Variants in SCFD2 observed in about 807,000 individuals in gnomAD.
SCFD2 encodes sec1 family domain containing 2, also known as sec1 family domain-containing protein 2.
SCFD2 carries 54 observed loss-of-function variants against 58.9 expected under a neutral mutation model. The observed-to-expected ratio is 0.92, with a 90% CI of 0.74 to 1.15. The LOEUF is 1.15. Ranked by LOEUF, SCFD2 falls within the 50% of genes most tolerant of loss-of-function variation. The probability of loss-of-function intolerance (pLI) is 0.00; values close to 1 mark genes in which losing one functional copy is unlikely to be tolerated. For missense variants in SCFD2, 805 were observed against 836.6 expected (o/e 0.96, Z 0.47); for synonymous variants, 321 against 335.9 (o/e 0.96, Z 0.49).
At chr4:53,328,944 G>A (rs923263509) in intron 2 of SCFD2, among the ~76,000 whole-genome samples, 10 of 152,230 alleles carry the variant, frequency 6.6e-5, no homozygotes, top group African/African-American at 2.4e-4. Flanking sequence ...AAGCGCAAGG[G>A]GTCAGGGAGT....
rs909219444 is a variant in SCFD2, at chr4:53,131,724, C to T, written c.1561+13609G>A. On this transcript the variant is annotated intron_variant, in intron 5 of 8. Transcript: ENST00000401642. ...GTGGGCATACTTAGGAGTGAAAATTCGGCCTCCTCCCCGCTGTGCTCTTTT... is the reference window on the plus strand; with the variant it reads ...GTGGGCATACTTAGGAGTGAAAATTTGGCCTCCTCCCCGCTGTGCTCTTTT... Among the ~76,000 whole-genome samples the T allele has an allele frequency of 5.9e-5, 9 of 152,302 alleles. No homozygotes were observed. In the South Asian group the frequency reaches 6.2e-4, roughly 11 times the overall value.
chr4:53,165,062 CT>C (rs1227731847), intron 4 of SCFD2, among the ~76,000 whole-genome samples: 2 of 152,206 alleles, frequency 1.3e-5, no homozygotes, highest in African/African-American at 4.8e-5. Flanking sequence ...TCTTCCATCC[CT>C]AACTCACTCT....
At chr4:53,066,973 A>G (rs1259233299) in intron 5 of SCFD2, among the ~76,000 whole-genome samples, 1 of 151,996 alleles carries the variant, frequency 6.6e-6, no homozygotes, top group Non-Finnish European at 1.5e-5. Flanking sequence ...AAACCCTAGA[A>G]CCTAGCACAG....
intron 3 of SCFD2, among the ~76,000 whole-genome samples, chr4:53,313,150 C>T (rs11724062): frequency 0.6 from 91,052 of 151,898 alleles, 27,433 homozygotes; most frequent in Middle Eastern, 0.66. Flanking sequence ...GAAGAAATAA[C>T]GCTGATGTGA....
chr4:52,907,589 T>C lies in SCFD2; in HGVS notation c.1710A>G (p.Ala570=). 6.2e-7 allele frequency: 1 copy of C among 1,614,008 alleles called. No individual in the cohort carries two copies. The highest frequency in any genetic ancestry group is 8.5e-7 in the Non-Finnish European group (1 of 1,179,900). ...VYVPGNHTHQ[A]SYKPLLKQVV... is the part of the protein sequence containing the mutation. ...CTTGCTTCAACAATGGCTTATAAGA[T>C]GCCTGGAAAGACAAAATACTATGAG... Residue 570 remains alanine, a splice_region_variant and synonymous_variant, in exon 7 of 9, where the codon GCA becomes GCG. Transcript: ENST00000401642.
At chr4:53,000,182 T>A (rs1392255834) in intron 5 of SCFD2, among the ~76,000 whole-genome samples, 1 of 152,116 alleles carries the variant, frequency 6.6e-6, no homozygotes, top group Non-Finnish European at 1.5e-5. Flanking sequence ...CCCTTTGGTA[T>A]CCAGTCTGAG....
chr4:53,247,773 A>C (rs554225100), intron 4 of SCFD2, among the ~76,000 whole-genome samples: 299 of 139,582 alleles, frequency 2.1e-3, no homozygotes, highest in African/African-American at 7.5e-3. Context: ...AGGCAGGAGA[A>C]TGGCGTGAAC....
At chr4:53,002,465 C>A (rs117050109) in intron 5 of SCFD2, among the ~76,000 whole-genome samples, 1 of 152,262 alleles carries the variant, frequency 6.6e-6, no homozygotes, top group East Asian at 1.9e-4. Flanking sequence ...CTTAATATCA[C>A]TGGGGAAGGG....
intron 4 of SCFD2, among the ~76,000 whole-genome samples, chr4:53,214,277 G>A (rs1256394175): frequency 6.6e-6 from 1 of 152,102 alleles, no homozygotes; most frequent in Non-Finnish European, 1.5e-5. Flanking sequence ...CACCAACAGT[G>A]TAAAAGTGTT....
chr4:53,130,641 T>TC (rs1437283239), intron 5 of SCFD2, among the ~76,000 whole-genome samples: 2 of 152,158 alleles, frequency 1.3e-5, no homozygotes, highest in African/African-American at 4.8e-5. Flanking sequence ...CCAAAGGGTA[T>TC]CCCATCCCCC....
intron 4 of SCFD2, among the ~76,000 whole-genome samples, chr4:53,262,296 A>ATT (rs1730852570): frequency 6.6e-6 from 1 of 151,970 alleles, no homozygotes; most frequent in Admixed American, 6.6e-5. Context: ...CCATCATGCT[A>ATT]TTTGTTGCCT....
At chr4:53,069,898 A>G (rs1311766282) in intron 5 of SCFD2, among the ~76,000 whole-genome samples, 1 of 152,094 alleles carries the variant, frequency 6.6e-6, no homozygotes, top group Non-Finnish European at 1.5e-5. Flanking sequence ...AATAATATAC[A>G]TATACATCTT....
intron 5 of SCFD2, among the ~76,000 whole-genome samples, chr4:53,004,822 G>C (rs768596054): frequency 2.0e-5 from 3 of 152,116 alleles, no homozygotes; most frequent in Non-Finnish European, 2.9e-5. Flanking sequence ...CTTATGGTTG[G>C]GGGTATTTTT....
chr4:53,313,021 GA>G (rs1282392816), intron 3 of SCFD2, among the ~76,000 whole-genome samples: 2 of 151,376 alleles, frequency 1.3e-5, no homozygotes, highest in South Asian at 4.2e-4. Flanking sequence ...TTGATCAAAA[GA>G]AAAAAAGCCA....
intron 1 of SCFD2, among the ~76,000 whole-genome samples, chr4:53,357,692 AAGTT>A (rs1420476578): frequency 2.6e-5 from 4 of 152,186 alleles, no homozygotes; most frequent in Non-Finnish European, 4.4e-5. Context: ...ATAAAGATAT[AAGTT>A]AGTTAGTTTG....
chr4:52,907,644 A>G, intron 6 of SCFD2, 53 bp from the exon 7 acceptor site: 1 of 1,582,338 alleles, frequency 6.3e-7, no homozygotes, highest in African/African-American at 1.3e-5. Flanking sequence ...GTCTGGAGAG[A>G]GGACAGCTTT....
Position 53,026,925 on chromosome 4 carries a change from AGT to A in SCFD2, c.1562-106057_1562-106056del, listed in dbSNP as rs555455062. Reference sequence around the variant, plus strand: ...TTTCAGTTTTTTCCCTGCTAGTGAAAGTGTATAACTTCTCTGGCCAAATGATA... The same window carrying A: ...TTTCAGTTTTTTCCCTGCTAGTGAAAGTATAACTTCTCTGGCCAAATGATA... On this transcript the variant is annotated intron_variant, in intron 5 of 8. Transcript: ENST00000401642. 1.9e-4 allele frequency among the ~76,000 whole-genome samples: 29 copies of A among 152,368 alleles called. No homozygotes were observed. The East Asian group carries it at 5.6e-3, about 29-fold the overall frequency.
chr4:53,218,658 C>T (rs766413570), intron 4 of SCFD2, among the ~76,000 whole-genome samples: 27 of 152,228 alleles, frequency 1.8e-4, no homozygotes, highest in Non-Finnish European at 3.1e-4. Context: ...AGACATTCTC[C>T]GTCCAGCTTT....
chr4:53,196,357 A>G (rs1345305664), intron 4 of SCFD2, among the ~76,000 whole-genome samples: 1 of 152,150 alleles, frequency 6.6e-6, no homozygotes, highest in African/African-American at 2.4e-5. Flanking sequence ...TCAGTGAAAA[A>G]GCTCTTCAAG....
Sources: gnomAD v4.1 joint callset for allele counts (sites outside exome capture counted in the v4.1 genomes callset) on GRCh38, gnomAD v4.1.1 for gene constraint, MANE v1.5 for transcripts, NCBI Gene and HGNC (gene_info 2026-07-23, HGNC 2026-07-21) for gene names.